The following MALRD1 variants were observed in gnomAD, a reference collection of about 807,000 sequenced individuals.
MALRD1 encodes MAM and LDL-receptor class A domain-containing protein 1.
Under a neutral mutation model 242.1 loss-of-function variants are expected in MALRD1, and 247 were observed. The observed-to-expected ratio is 1.02, with a 90% confidence interval of 0.92 to 1.13. The LOEUF is 1.13. Ranked by LOEUF, MALRD1 falls within the 50% of genes most tolerant of loss-of-function variation. MALRD1 has a pLI of 0.00. For synonymous variants in MALRD1, 995 were observed against 866.6 expected (o/e 1.15, Z -2.60); for missense variants, 2,989 against 2,533.1 (o/e 1.18, Z -3.86).
intron 21 of MALRD1, among the ~76,000 whole-genome samples, chr10:19,304,495 C>T (rs1262765336): frequency 6.6e-6 from 1 of 151,656 alleles, no homozygotes; most frequent in African/African-American, 2.4e-5. Context: ...TTCCTTAGCG[C>T]TTGCATTAAG....
intron 29 of MALRD1, among the ~76,000 whole-genome samples, chr10:19,478,802 A>G (rs1055870956): frequency 6.6e-6 from 1 of 152,184 alleles, no homozygotes; most frequent in Non-Finnish European, 1.5e-5. Context: ...GTCACCAAAC[A>G]CATCACATTT....
intron 36 of MALRD1, among the ~76,000 whole-genome samples, chr10:19,670,879 ATTTTT>A: frequency 7.4e-6 from 1 of 134,284 alleles, no homozygotes; most frequent in African/African-American, 2.8e-5. Context: ...CAAAACAATC[ATTTTT>A]TTTTTTTTTT....
At chr10:19,252,414 C>T (rs1436880102) in intron 18 of MALRD1, among the ~76,000 whole-genome samples, 1 of 151,896 alleles carries the variant, frequency 6.6e-6, no homozygotes, top group Non-Finnish European at 1.5e-5. Context: ...TGGCGCAATG[C>T]CTAAGTAGAC....
chr10:19,360,412 TATAAG>T (rs1386038063), intron 26 of MALRD1, among the ~76,000 whole-genome samples: 1 of 152,120 alleles, frequency 6.6e-6, no homozygotes. Context: ...CTCCTTTAAA[TATAAG>T]ATATTTTCCT....
At chr10:19,656,723 G>T (rs963392967) in intron 36 of MALRD1, among the ~76,000 whole-genome samples, 1 of 152,052 alleles carries the variant, frequency 6.6e-6, no homozygotes, top group South Asian at 2.1e-4. Context: ...TTTATGAGTG[G>T]TATGATGATT....
intron 33 of MALRD1, among the ~76,000 whole-genome samples, chr10:19,570,220 T>C (rs1836458409): frequency 6.6e-6 from 1 of 152,064 alleles, no homozygotes; most frequent in Admixed American, 6.6e-5. Context: ...GCATAGCTTC[T>C]ACAGCACGAC....
At chr10:19,696,057 C>A (rs1346186337) in intron 38 of MALRD1, among the ~76,000 whole-genome samples, 1 of 152,124 alleles carries the variant, frequency 6.6e-6, no homozygotes, top group Non-Finnish European at 1.5e-5. Flanking sequence ...CATAGGGAGG[C>A]AGGACTCGTG....
intron 2 of MALRD1, among the ~76,000 whole-genome samples, chr10:19,069,663 AT>A (rs1455568038): frequency 6.8e-6 from 1 of 147,750 alleles, no homozygotes; most frequent in Non-Finnish European, 1.5e-5. Flanking sequence ...CTGGATATAT[AT>A]TTTTTCATGG....
At chr10:19,303,237 T>C (rs1040809016) in intron 21 of MALRD1, among the ~76,000 whole-genome samples, 9 of 151,714 alleles carry the variant, frequency 5.9e-5, no homozygotes, top group Admixed American at 4.0e-4. Context: ...CAAGCTGGCA[T>C]AACAATATAA....
At chr10:19,407,474 C>T (rs1833078950) in intron 28 of MALRD1, among the ~76,000 whole-genome samples, 1 of 151,782 alleles carries the variant, frequency 6.6e-6, no homozygotes, top group African/African-American at 2.4e-5. Flanking sequence ...AGAGCAAGCC[C>T]TGTTTCTTAA....
chr10:19,602,548 G>T (rs1838410014), intron 34 of MALRD1, among the ~76,000 whole-genome samples: 2 of 151,940 alleles, frequency 1.3e-5, no homozygotes, highest in Admixed American at 1.3e-4. Flanking sequence ...CGGCTGCATA[G>T]TGTTCCATGG....
In MALRD1 at chr10:19,643,528, A is replaced by G. The variant is rs534116131; in HGVS notation, c.6137+27605A>G. ...ACCAAAGTTAATTGATTAATTGACT[A>G]AAATGCCCAATAGTTTCGACATAAT... is the stretch of plus-strand genomic sequence containing the variant. On this transcript the variant is annotated intron_variant, in intron 36 of 39. Coordinates refer to ENST00000454679, the MANE Select transcript of MALRD1 (RefSeq NM_001142308.3). 2.2e-3 allele frequency among the ~76,000 whole-genome samples: 335 copies of G among 152,314 alleles called. 1 individual carries two copies. Among genetic ancestry groups the G allele is most frequent in the Non-Finnish European group, 3.1e-3 (211 of 68,022 alleles).
At position 19,734,478 on chromosome 10, in the gene MALRD1, A is replaced by C. The variant is rs1835415296; in HGVS notation, c.*241A>C. 1 of 320,382 alleles carries C rather than the reference A, an allele frequency of 3.1e-6. No individual in the cohort carries two copies. The highest frequency in any genetic ancestry group is 5.6e-6 in the Non-Finnish European group (1 of 178,504). The allele number at this position is 320,382 out of a possible 1,614,324, so 19.8% of individuals were successfully genotyped here. A position where few individuals can be genotyped will look rare whatever the true frequency, so the allele number is the denominator to read the frequency against. ...TTTTAATAAAATTTCTATTTAATCA[A>C]GTTTCTTGTTTTTCTTTGATTTTAT... is the stretch of plus-strand genomic sequence containing the variant. On this transcript the variant is annotated 3_prime_UTR_variant, in exon 40 of 40. Coordinates refer to ENST00000454679, the MANE Select transcript of MALRD1 (RefSeq NM_001142308.3).
chr10:19,317,824 GA>G (rs1842766614), intron 21 of MALRD1, among the ~76,000 whole-genome samples: 1 of 152,030 alleles, frequency 6.6e-6, no homozygotes, highest in South Asian at 2.1e-4. Flanking sequence ...CAACTTTTGT[GA>G]AAATAGCATG....
At position 19,291,936 on chromosome 10, in the gene MALRD1, A is replaced by G. The variant is rs115889221; in HGVS notation, c.3419+8755A>G. Among the ~76,000 whole-genome samples, 603 of 151,918 alleles carry G rather than the reference A, an allele frequency of 4.0e-3. 4 individuals carry two copies. Among genetic ancestry groups the G allele is most frequent in the African/African-American group, 0.014 (583 of 41,436 alleles). On this transcript the variant is annotated intron_variant, in intron 21 of 39. Transcript: ENST00000454679. Reference sequence around the variant, plus strand: ...CCCATCTCTATTAAAAATGCAAAAAATTAGTCATACGTGGTGGTGCGTGCC... The same window carrying G: ...CCCATCTCTATTAAAAATGCAAAAAGTTAGTCATACGTGGTGGTGCGTGCC...
chr10:19,260,167 T>G (rs936844203), intron 19 of MALRD1, among the ~76,000 whole-genome samples: 2 of 152,230 alleles, frequency 1.3e-5, no homozygotes, highest in African/African-American at 4.8e-5. Context: ...CTATAGTATA[T>G]GTCAGTCAGC....
At chr10:19,243,223 A>G (rs1838877992) in intron 18 of MALRD1, among the ~76,000 whole-genome samples, 1 of 151,812 alleles carries the variant, frequency 6.6e-6, no homozygotes, top group Non-Finnish European at 1.5e-5. Flanking sequence ...CACACACACA[A>G]TTTATATTTT....
At chr10:19,722,591 A>G (rs1039086487) in intron 38 of MALRD1, 1 of 23,414 alleles carries the variant, frequency 4.3e-5, no homozygotes, top group African/African-American at 1.2e-4. Context: ...CCATGTCTCT[A>G]AAAAAAAAAA....
chr10:19,410,535 C>G (rs1337695665), intron 28 of MALRD1, among the ~76,000 whole-genome samples: 2 of 152,156 alleles, frequency 1.3e-5, no homozygotes, highest in East Asian at 3.9e-4. Flanking sequence ...TTAAATCTCT[C>G]AGCTAAGTGT....
Sources: allele counts gnomAD v4.1 joint callset (sites outside exome capture counted in the v4.1 genomes callset), GRCh38; gene constraint gnomAD v4.1.1; transcripts MANE v1.5; gene names NCBI Gene and HGNC (gene_info 2026-07-23, HGNC 2026-07-21).